Variants in CPED1 observed in about 807,000 individuals in gnomAD.
The protein encoded by CPED1 is cadherin like and PC-esterase domain containing 1, also known as cadherin-like and PC-esterase domain-containing protein 1.
A neutral mutation model predicts 128.2 loss-of-function variants in CPED1; 114 were observed. The ratio of observed to expected loss-of-function variants is 0.89; its 90% CI spans 0.76 to 1.04. CPED1 has a LOEUF of 1.04. Among genes scored for constraint, CPED1 ranks in the 50% least tolerant of loss-of-function variants. The probability of loss-of-function intolerance (pLI) is 0.00; values close to 1 mark genes in which losing one functional copy is unlikely to be tolerated. For missense variants in CPED1, 1,211 were observed against 1,207.1 expected (o/e 1.00, Z -0.05); for synonymous variants, 462 against 426.7 (o/e 1.08, Z -1.02).
intron 16 of CPED1, among the ~76,000 whole-genome samples, chr7:121,185,181 TGAA>T (rs902176265): frequency 3.9e-5 from 6 of 152,100 alleles, no homozygotes; most frequent in African/African-American, 1.4e-4. Flanking sequence ...GTTCTGTGTG[TGAA>T]GAACAGTAGA....
intron 16 of CPED1, among the ~76,000 whole-genome samples, chr7:121,200,364 AAT>A (rs1797369322): frequency 2.6e-5 from 4 of 152,260 alleles, no homozygotes; most frequent in Admixed American, 2.6e-4. Flanking sequence ...TTTCCAAGAG[AAT>A]GGGTATACAT....
chr7:121,035,283 C>T (rs1178850815), intron 3 of CPED1, among the ~76,000 whole-genome samples: 1 of 151,800 alleles, frequency 6.6e-6, no homozygotes, highest in East Asian at 1.9e-4. Context: ...ATAACTCTGA[C>T]TATAGGAAGA....
chr7:121,063,445 CCT>C (rs1328810160), intron 4 of CPED1, among the ~76,000 whole-genome samples: 3 of 150,432 alleles, frequency 2.0e-5, no homozygotes, highest in Non-Finnish European at 4.4e-5. Context: ...AGCTACCACC[CCT>C]GTTTCCAGTT....
chr7:121,074,188 C>T (rs527777097), intron 5 of CPED1, among the ~76,000 whole-genome samples: 20 of 151,328 alleles, frequency 1.3e-4, no homozygotes, highest in African/African-American at 4.9e-4. Context: ...TCATGGGGTT[C>T]TGTGTGATCA....
At chr7:121,275,861 T>C (rs1158107240) in intron 22 of CPED1, among the ~76,000 whole-genome samples, 1 of 151,624 alleles carries the variant, frequency 6.6e-6, no homozygotes, top group East Asian at 1.9e-4. Flanking sequence ...TTTTACTTTC[T>C]CCTTTAAACT....
At position 121,050,893 on chromosome 7, in the gene CPED1, C is replaced by T. The variant is rs531428718; in HGVS notation, c.540+3900C>T. On this transcript the variant is annotated intron_variant, in intron 4 of 22. Coordinates refer to ENST00000310396, the MANE Select transcript of CPED1 (RefSeq NM_024913.5). ...AGGCCTGCAGGCACCTGGCACGCAC[C>T]CTCCTCGTCACCAGGATGCCCAAGA... 849 of 481,010 alleles carry T rather than the reference C, an allele frequency of 1.8e-3. 2 individuals carry two copies. Among genetic ancestry groups the T allele is most frequent in the Non-Finnish European group, 3.2e-3 (749 of 235,682 alleles). The allele number at this position is 481,010 out of a possible 1,614,324, so 29.8% of individuals were successfully genotyped here. A position where few individuals can be genotyped will look rare whatever the true frequency, so the allele number is the denominator to read the frequency against.
chr7:121,190,524 G>A (rs934016214), intron 16 of CPED1, among the ~76,000 whole-genome samples: 4 of 151,714 alleles, frequency 2.6e-5, no homozygotes, highest in Non-Finnish European at 5.9e-5. Flanking sequence ...AGGTGGATAA[G>A]ACCAAGATTT....
In CPED1 at chr7:121,097,925, G is replaced by A. The variant is rs932398779; in HGVS notation, c.749+94G>A. 59 of 1,237,006 alleles carry A rather than the reference G, an allele frequency of 4.8e-5. No individual in the cohort carries two copies. The African/African-American group carries it at 7.4e-4, about 16-fold the overall frequency. 76.6% of individuals were successfully genotyped at this position (1,237,006 alleles called of 1,614,324 possible). A position where few individuals can be genotyped will look rare whatever the true frequency, so the allele number is the denominator to read the frequency against. On this transcript the variant is annotated intron_variant, in intron 6 of 22. Coordinates refer to ENST00000310396, the MANE Select transcript of CPED1 (RefSeq NM_024913.5). ...CAGAACAGATATGGGGGGTTCACATGTGTGAATTATTAGTTTCTCTTACAT... is the reference window on the plus strand; with the variant it reads ...CAGAACAGATATGGGGGGTTCACATATGTGAATTATTAGTTTCTCTTACAT...
chr7:121,044,613 C>T (rs1793140185), intron 3 of CPED1, among the ~76,000 whole-genome samples: 1 of 134,624 alleles, frequency 7.4e-6, no homozygotes, highest in South Asian at 2.4e-4. Flanking sequence ...ATGTTTAGAC[C>T]CCTCAAAGAG....
At chr7:121,091,321 T>G (rs1411973974) in intron 5 of CPED1, among the ~76,000 whole-genome samples, 1 of 152,216 alleles carries the variant, frequency 6.6e-6, no homozygotes, top group Non-Finnish European at 1.5e-5. Flanking sequence ...GGAGGATCAC[T>G]AAAAACATAG....
intron 14 of CPED1, among the ~76,000 whole-genome samples, chr7:121,137,208 GT>G: frequency 6.6e-6 from 1 of 151,844 alleles, no homozygotes; most frequent in Admixed American, 6.6e-5. Flanking sequence ...ATTTCACTTT[GT>G]TGTCCTTGCT....
chr7:121,284,737 G>T (rs1792531454), intron 22 of CPED1, among the ~76,000 whole-genome samples: 1 of 152,218 alleles, frequency 6.6e-6, no homozygotes. Flanking sequence ...GCAAGAGGTG[G>T]TCTCCCCCAG....
chr7:121,147,643 C>A lies in CPED1; in HGVS notation c.2055+5502C>A, dbSNP rs533759366. 5.3e-5 allele frequency among the ~76,000 whole-genome samples: 8 copies of A among 152,074 alleles called. No homozygotes were observed. In the East Asian group the frequency reaches 1.5e-3, roughly 29 times the overall value. On this transcript the variant is annotated intron_variant, in intron 16 of 22. Transcript: ENST00000310396. ...GATTTGTATAGATGATCTATGGTAT[C>A]ATATACATTTTGCCCTCAAAATGTT... is the stretch of plus-strand genomic sequence containing the variant.
At chr7:121,056,150 G>A (rs1793494908) in intron 4 of CPED1, among the ~76,000 whole-genome samples, 2 of 152,030 alleles carry the variant, frequency 1.3e-5, no homozygotes. Context: ...AATCCAAATT[G>A]TGTTTTTTAA....
chr7:121,136,629 G>A (rs1330943339), intron 14 of CPED1, among the ~76,000 whole-genome samples: 1 of 151,930 alleles, frequency 6.6e-6, no homozygotes, highest in African/African-American at 2.4e-5. Context: ...TTATTATTAC[G>A]ATGGTCTTGC....
chr7:121,287,562 A>G lies in CPED1; in HGVS notation c.2869-7878A>G, dbSNP rs148839060. ...AAATCATAATGAGTCATGATTGTAG[A>G]CTCTATTCATAGTGACTAATGAATA... On this transcript the variant is annotated intron_variant, in intron 22 of 22. Transcript: ENST00000310396. 2.0e-3 allele frequency among the ~76,000 whole-genome samples: 305 copies of G among 152,010 alleles called. 1 individual carries two copies. The highest frequency in any genetic ancestry group is 7.2e-3 in the African/African-American group (297 of 41,476).
At chr7:121,110,310 A>G (rs746470427) in intron 7 of CPED1, among the ~76,000 whole-genome samples, 3 of 152,204 alleles carry the variant, frequency 2.0e-5, no homozygotes, top group Non-Finnish European at 4.4e-5. Flanking sequence ...TTATTCTTGT[A>G]TGGAATGACA....
At chr7:121,219,662 CTG>C (rs1394295965) in intron 16 of CPED1, among the ~76,000 whole-genome samples, 1 of 152,002 alleles carries the variant, frequency 6.6e-6, no homozygotes, top group Non-Finnish European at 1.5e-5. Context: ...AAACACACAA[CTG>C]TGTCACATTC....
chr7:121,015,565 T>C lies in CPED1; in HGVS notation c.250-100T>C, dbSNP rs1031307619. Reference sequence around the variant, plus strand: ...GCCTTTCACTTCTAGAGAAAAACTTTAGAATAACTTCCCAAATAGCCCTTG... The same window carrying C: ...GCCTTTCACTTCTAGAGAAAAACTTCAGAATAACTTCCCAAATAGCCCTTG... On this transcript the variant is annotated intron_variant, in intron 2 of 22. Coordinates refer to ENST00000310396, the MANE Select transcript of CPED1 (RefSeq NM_024913.5). 41 of 1,107,070 alleles carry C rather than the reference T, an allele frequency of 3.7e-5. No homozygotes were observed. In the South Asian group the frequency reaches 5.6e-4, roughly 15 times the overall value. 68.6% of individuals were successfully genotyped at this position (1,107,070 alleles called of 1,614,324 possible). A position where few individuals can be genotyped will look rare whatever the true frequency, so the allele number is the denominator to read the frequency against.
Sources: gnomAD v4.1 joint callset for allele counts (sites outside exome capture counted in the v4.1 genomes callset) on GRCh38, gnomAD v4.1.1 for gene constraint, MANE v1.5 for transcripts, NCBI Gene and HGNC (gene_info 2026-07-23, HGNC 2026-07-21) for gene names.